CEACAM8: variants seen among roughly 807,000 people sequenced by gnomAD.
The protein encoded by CEACAM8 is CEA cell adhesion molecule 8.
In CEACAM8, 31 loss-of-function variants were observed where a neutral mutation model predicts 33.4. The observed-to-expected ratio is 0.93, with a 90% confidence interval of 0.70 to 1.25. CEACAM8 has a LOEUF of 1.25. Ranked by LOEUF, CEACAM8 falls within the 50% of genes most tolerant of loss-of-function variation. CEACAM8 has a pLI of 0.00. For synonymous variants in CEACAM8, 138 were observed against 164.5 expected (o/e 0.84, Z 1.23); for missense variants, 388 against 434.6 (o/e 0.89, Z 0.95).
intron 4 of CEACAM8, among the ~76,000 whole-genome samples, chr19:42,584,231 C>A (rs570395320): frequency 1.3e-5 from 2 of 151,858 alleles, no homozygotes; most frequent in East Asian, 1.9e-4. Context: ...CACACACAAC[C>A]TTTTGCATCT....
intron 2 of CEACAM8, among the ~76,000 whole-genome samples, chr19:42,590,112 C>T (rs1600298858): frequency 1.3e-5 from 2 of 152,202 alleles, no homozygotes; most frequent in Non-Finnish European, 2.9e-5. Flanking sequence ...GCTTCACAGT[C>T]CTACTTTGCC....
intron 4 of CEACAM8, among the ~76,000 whole-genome samples, chr19:42,587,938 G>A (rs1240425430): frequency 6.6e-6 from 1 of 152,346 alleles, no homozygotes; most frequent in South Asian, 2.1e-4. Flanking sequence ...AGGAGGCGGA[G>A]GGTGAGCCGA....
intron 2 of CEACAM8, among the ~76,000 whole-genome samples, chr19:42,591,894 GGA>G (rs2042446760): frequency 6.6e-6 from 1 of 152,162 alleles, no homozygotes; most frequent in African/African-American, 2.4e-5. Context: ...GTGTGAGTGG[GGA>G]GAGAAAGCAA....
chr19:42,583,145 T>C (rs780172245), intron 5 of CEACAM8, 61 bp downstream of exon 5: 1 of 744,010 alleles, frequency 1.3e-6, no homozygotes. Flanking sequence ...GATACAGGTC[T>C]CTCTCCCAAG....
intron 5 of CEACAM8, among the ~76,000 whole-genome samples, chr19:42,582,360 T>C (rs1217894924): frequency 1.3e-5 from 2 of 152,232 alleles, no homozygotes; most frequent in Non-Finnish European, 2.9e-5. Context: ...TTATTTTTCA[T>C]ATCTTATCTC....
At chr19:42,591,130 G>C (rs1295619736) in intron 2 of CEACAM8, among the ~76,000 whole-genome samples, 1 of 152,156 alleles carries the variant, frequency 6.6e-6, no homozygotes, top group Non-Finnish European at 1.5e-5. Context: ...TTTAAAATTT[G>C]TCAGGAGTTT....
At chr19:42,589,954 T>C (rs2042406311) in intron 2 of CEACAM8, among the ~76,000 whole-genome samples, 1 of 152,078 alleles carries the variant, frequency 6.6e-6, no homozygotes, top group African/African-American at 2.4e-5. Flanking sequence ...TTCTCAAATG[T>C]GAATTGGGCA....
At chr19:42,594,697 C>T in intron 1 of CEACAM8, 68 bp downstream of exon 1, 1 of 1,320,790 alleles carries the variant, frequency 7.6e-7, no homozygotes, top group Non-Finnish European at 1.1e-6. Flanking sequence ...GCCCCGTCCT[C>T]CCCAGGAGAC....
intron 4 of CEACAM8, among the ~76,000 whole-genome samples, chr19:42,583,950 C>T (rs561910228): frequency 9.2e-5 from 14 of 152,300 alleles, no homozygotes; most frequent in African/African-American, 2.4e-4. Flanking sequence ...AAATCTGCAT[C>T]GTGGTCTGAG....
intron 4 of CEACAM8, among the ~76,000 whole-genome samples, chr19:42,586,103 A>AC (rs1367816219): frequency 1.3e-5 from 2 of 152,202 alleles, no homozygotes; most frequent in Non-Finnish European, 2.9e-5. Context: ...GACCTCAAAA[A>AC]ATGGGAAGAC....
rs1343831705 is a variant in CEACAM8 at position 42,594,760 on chromosome 19, C to T, written c.64+5G>A. Reference sequence around the variant, plus strand: ...CTGTCCTTTCCCAGGAAGTCCTCTCCTCACCTGTGAGCAGGAGCCCCTGCC... The same window carrying T: ...CTGTCCTTTCCCAGGAAGTCCTCTCTTCACCTGTGAGCAGGAGCCCCTGCC... On this transcript the variant is annotated splice_donor_5th_base_variant and intron_variant, in intron 1 of 5. Transcript: ENST00000244336. 9 of 1,608,618 alleles carry T rather than the reference C, an allele frequency of 5.6e-6. No individual in the cohort carries two copies. Among genetic ancestry groups the T allele is most frequent in the African/African-American group, 1.3e-5 (1 of 74,818 alleles).
chr19:42,590,906 A>G (rs2042426460), intron 2 of CEACAM8, among the ~76,000 whole-genome samples: 1 of 152,240 alleles, frequency 6.6e-6, no homozygotes, highest in African/African-American at 2.4e-5. Context: ...CATAAGGCTT[A>G]GGGCCAAAAG....
rs773122613 is a variant in CEACAM8 at position 42,588,769 on chromosome 19, C to T, written c.958+15G>A. 18 of 1,613,426 alleles carry T rather than the reference C, an allele frequency of 1.1e-5. No individual in the cohort carries two copies. The highest frequency in any genetic ancestry group is 1.4e-5 in the Non-Finnish European group (16 of 1,179,412). Reference sequence around the variant, plus strand: ...ACCAGAAAACATACTGCCAGTGCTCCAGGGATCCACTTACCAGAGACTGTG... The same window carrying T: ...ACCAGAAAACATACTGCCAGTGCTCTAGGGATCCACTTACCAGAGACTGTG... On this transcript the variant is annotated intron_variant, in intron 4 of 5. Coordinates refer to ENST00000244336, the MANE Select transcript of CEACAM8 (RefSeq NM_001816.4).
Position 42,584,203 on chromosome 19 carries a change from T to TACACACACAC in CEACAM8, c.959-876_959-867dup, listed in dbSNP as rs568291319. Among the ~76,000 whole-genome samples, 1,143 of 149,116 alleles carry TACACACACAC rather than the reference T, an allele frequency of 7.7e-3. 16 individuals are homozygous for TACACACACAC. The highest frequency in any genetic ancestry group is 0.027 in the African/African-American group (1,085 of 40,422). On this transcript the variant is annotated intron_variant, in intron 4 of 5. Coordinates refer to ENST00000244336, the MANE Select transcript of CEACAM8 (RefSeq NM_001816.4). ...GTGTGTATTTACCTAAGATACCTTT[T>TACACACACAC]ACACACACACACACACACACACACA...
At chr19:42,588,322 T>TGCTCCTCCGTCATCCAAGGG (rs2042371217) in intron 4 of CEACAM8, among the ~76,000 whole-genome samples, 1 of 152,222 alleles carries the variant, frequency 6.6e-6, no homozygotes, top group Non-Finnish European at 1.5e-5. Flanking sequence ...CAGTCTGAGC[T>TGCTCCTCCGTCATCCAAGGG]GCTCCTCCGT....
At chr19:42,590,271 C>T (rs756682249) in intron 2 of CEACAM8, among the ~76,000 whole-genome samples, 2 of 152,188 alleles carry the variant, frequency 1.3e-5, no homozygotes, top group Admixed American at 1.3e-4. Context: ...TCGGTTCCGT[C>T]GTCAGGCAGT....
At chr19:42,582,217 G>T (rs2042271600) in intron 5 of CEACAM8, among the ~76,000 whole-genome samples, 1 of 151,552 alleles carries the variant, frequency 6.6e-6, no homozygotes, top group Non-Finnish European at 1.5e-5. Context: ...CAGATAGTAG[G>T]TAAGAATTTA....
In CEACAM8 at chr19:42,589,763, C is replaced by A. The variant is rs1442784382; in HGVS notation, c.425-28G>T. ...GTGCAGAAAACAGAGAGAAGATTGCCCTGTGTGGCACCTTTGATTCCTCCA... is the reference window on the plus strand; with the variant it reads ...GTGCAGAAAACAGAGAGAAGATTGCACTGTGTGGCACCTTTGATTCCTCCA... On this transcript the variant is annotated intron_variant, in intron 2 of 5. Transcript: ENST00000244336. 4 of 1,613,932 alleles carry A rather than the reference C, an allele frequency of 2.5e-6. No individual in the cohort carries two copies. The African/African-American group carries it at 5.3e-5, about 22-fold the overall frequency.
intron 2 of CEACAM8, among the ~76,000 whole-genome samples, chr19:42,591,288 G>A (rs539532087): frequency 1.2e-4 from 18 of 152,262 alleles, no homozygotes; most frequent in African/African-American, 3.1e-4. Context: ...AGGTTTAGGC[G>A]TCCTGTGAAT....
Sources: allele counts gnomAD v4.1 joint callset (sites outside exome capture counted in the v4.1 genomes callset), GRCh38; gene constraint gnomAD v4.1.1; transcripts MANE v1.5; gene names NCBI Gene and HGNC (gene_info 2026-07-23, HGNC 2026-07-21).